DNAH5: variants seen among roughly 807,000 people sequenced by gnomAD.
DNAH5 encodes axonemal beta dynein heavy chain 5.
Under a neutral mutation model 518.2 loss-of-function variants are expected in DNAH5, and 372 were observed. The observed-to-expected ratio is 0.72, with a 90% CI of 0.66 to 0.78. The LOEUF (loss-of-function observed/expected upper bound fraction) is 0.78, where lower values mean the gene tolerates loss of function less well. DNAH5 is among the 30% of genes least tolerant of loss of function. The pLI is 0.00. For missense variants in DNAH5, 5,523 were observed against 5,687.0 expected (o/e 0.97, Z 0.93); for synonymous variants, 2,039 against 2,025.9 (o/e 1.01, Z -0.17).
Position 13,735,306 on chromosome 5 carries a change from CG to C in DNAH5, c.11585del (p.Pro3862ArgfsTer14). On this transcript the variant is annotated frameshift_variant, in exon 68 of 79. Transcript: ENST00000265104. LOFTEE classifies it high-confidence loss of function. Reference protein sequence around the residue: ...DLSLARSVKSPITSKRIANII... With the variant: ...DLSLARSVKSXITSKRIANII... ...TATTAGCAATCCTCTTGCTTGTAAT[CG>C]GGCTCTTGACAGACCTGGTGAATAG... 6.2e-7 allele frequency: 1 copy of C among 1,613,990 alleles called. No homozygotes were observed. The highest frequency in any genetic ancestry group is 8.5e-7 in the Non-Finnish European group (1 of 1,179,968).
rs1561461103 is a variant in DNAH5, at chr5:13,864,652, C to CA, written c.4356-16dup. 1 of 1,613,998 alleles carries CA rather than the reference C, an allele frequency of 6.2e-7. No individual in the cohort carries two copies. The highest frequency in any genetic ancestry group is 2.2e-5 in the East Asian group (1 of 44,880). On this transcript the variant is annotated splice_polypyrimidine_tract_variant and intron_variant, in intron 27 of 78. Transcript: ENST00000265104. ...GCTTTCGACATCTGTGAAGGGACAC[C>CA]AACATGAAAGGCCATTGAAATATGA...
At chr5:13,830,529 A>C in intron 36 of DNAH5, 68 bp downstream of exon 36, 1 of 1,581,226 alleles carries the variant, frequency 6.3e-7, no homozygotes, top group Non-Finnish European at 8.7e-7. Context: ...AATTGTTGAA[A>C]ACAAATTTTA....
chr5:13,782,917 C>T (rs1286199976), intron 52 of DNAH5, among the ~76,000 whole-genome samples: 1 of 152,180 alleles, frequency 6.6e-6, no homozygotes, highest in African/African-American at 2.4e-5. Flanking sequence ...TTAATTTCAT[C>T]AGCAAGTACT....
chr5:13,856,649 ATTAAAAAGG>A (rs1342797255), intron 30 of DNAH5, among the ~76,000 whole-genome samples: 2 of 152,232 alleles, frequency 1.3e-5, no homozygotes, highest in Non-Finnish European at 2.9e-5. Flanking sequence ...CAAACAGCAC[ATTAAAAAGG>A]TTATCCACCA....
At chr5:13,939,284 G>T (rs1471153475) in intron 1 of DNAH5, among the ~76,000 whole-genome samples, 2 of 152,144 alleles carry the variant, frequency 1.3e-5, no homozygotes, top group African/African-American at 4.8e-5. Context: ...AGACCAACGT[G>T]AGTCCACGAT....
intron 1 of DNAH5, among the ~76,000 whole-genome samples, chr5:14,003,722 G>A (rs974531358): frequency 6.6e-6 from 1 of 152,220 alleles, no homozygotes; most frequent in South Asian, 2.1e-4. Flanking sequence ...GTCCAAGGCT[G>A]GGTCATAAAA....
At chr5:13,762,526 A>G (rs1751924365) in intron 60 of DNAH5, among the ~76,000 whole-genome samples, 196 bp downstream of exon 60, 1 of 152,156 alleles carries the variant, frequency 6.6e-6, no homozygotes, top group African/African-American at 2.4e-5. Context: ...TTAGAGGCTC[A>G]TATGGTTCTG....
At position 13,883,736 on chromosome 5, in the gene DNAH5, T is replaced by C. The variant is rs560576097; in HGVS notation, c.2984-642A>G. ...CTGTAATAGAAAAGCTGGGAAATAA[T>C]TGTGATTGAATATTTAGCCTATCAG... On this transcript the variant is annotated intron_variant, in intron 19 of 78. Coordinates refer to ENST00000265104, the MANE Select transcript of DNAH5 (RefSeq NM_001369.3). 3.3e-5 allele frequency among the ~76,000 whole-genome samples: 5 copies of C among 152,288 alleles called. No individual in the cohort carries two copies. The South Asian group carries it at 8.3e-4, about 25-fold the overall frequency.
intron 45 of DNAH5, 129 bp downstream of exon 45, chr5:13,809,930 C>A: frequency 1.0e-6 from 1 of 963,820 alleles, no homozygotes; most frequent in Non-Finnish European, 1.6e-6. Context: ...TCTTCACACA[C>A]GAACGTTTTC....
chr5:13,777,535 A>G (rs544741917), intron 53 of DNAH5, among the ~76,000 whole-genome samples, 180 bp from the exon 54 acceptor site: 33 of 152,346 alleles, frequency 2.2e-4, no homozygotes, highest in Middle Eastern at 3.4e-3. Context: ...TTCATAAAAC[A>G]TTATAATTAA....
Position 13,719,077 on chromosome 5 carries a change from A to C in DNAH5, c.12304T>G (p.Cys4102Gly), listed in dbSNP as rs773231979. 1 of 1,614,116 alleles carries C rather than the reference A, an allele frequency of 6.2e-7. No homozygotes were observed. The highest frequency in any genetic ancestry group is 2.2e-5 in the East Asian group (1 of 44,852). ...TCCATGAAATCAAGTCCCAGATGGC[A>C]GTTCTGCAGAAGTGCCCATCCTCCC... The part of the protein sequence containing the change: ...ANGGWALLQN[C>G]HLGLDFMDEL... Residue 4102 changes from cysteine to glycine, a missense_variant, in exon 72 of 79, where the codon TGC becomes GGC. By Grantham distance (159) the Cys-to-Gly change is radical. Around this residue, in one of 3 missense-constraint regions of DNAH5, gnomAD observed 5,121 missense variants for 5,223.3 expected, o/e 0.98. Coordinates refer to ENST00000265104, the MANE Select transcript of DNAH5 (RefSeq NM_001369.3).
At chr5:13,952,221 T>G (rs1560998480) in intron 1 of DNAH5, among the ~76,000 whole-genome samples, 1 of 152,114 alleles carries the variant, frequency 6.6e-6, no homozygotes, top group Non-Finnish European at 1.5e-5. Context: ...CCATAAACAC[T>G]GATGGTTAGC....
chr5:13,956,895 T>C (rs1158196894), intron 1 of DNAH5, among the ~76,000 whole-genome samples: 1 of 152,222 alleles, frequency 6.6e-6, no homozygotes, highest in Non-Finnish European at 1.5e-5. Flanking sequence ...TCACAAATAT[T>C]TTCCTTACAG....
At chr5:13,699,690 G>T (rs1049692968) in intron 78 of DNAH5, among the ~76,000 whole-genome samples, 1 of 152,112 alleles carries the variant, frequency 6.6e-6, no homozygotes, top group African/African-American at 2.4e-5. Flanking sequence ...CTCCAGCCTG[G>T]GTGACAGAAC....
intron 78 of DNAH5, 101 bp downstream of exon 78, chr5:13,700,539 A>G: frequency 8.3e-7 from 1 of 1,205,610 alleles, no homozygotes; most frequent in Admixed American, 1.7e-5. Flanking sequence ...ATAAGAGAGC[A>G]AAATCTCTAC....
chr5:13,768,822 A>T, intron 58 of DNAH5, 138 bp downstream of exon 58: 1 of 1,009,000 alleles, frequency 9.9e-7, no homozygotes, highest in South Asian at 1.3e-5. Context: ...TCAAGCAGAA[A>T]ATATTACTTG....
chr5:13,849,669 G>C (rs1490810155), intron 31 of DNAH5, among the ~76,000 whole-genome samples: 1 of 151,936 alleles, frequency 6.6e-6, no homozygotes, highest in African/African-American at 2.4e-5. Context: ...TTTGTCCTTT[G>C]ACCTTAACTT....
rs754632182 is a variant in DNAH5, at chr5:13,777,235, C to T, written c.9072G>A (p.Leu3024=). 1 of 1,612,804 alleles carries T rather than the reference C, an allele frequency of 6.2e-7. No individual in the cohort carries two copies. The highest frequency in any genetic ancestry group is 1.1e-5 in the South Asian group (1 of 91,042). The part of the protein sequence containing the change: ...TDNEIKDESF[L]EYMNNVLSSG... ...ATGATAAAACATTGTTCATATATTCCAAAAATGACTCATCTTTAATCTCAT... is the reference window on the plus strand; with the variant it reads ...ATGATAAAACATTGTTCATATATTCTAAAAATGACTCATCTTTAATCTCAT... Residue 3024 remains leucine (L), a synonymous_variant, in exon 54 of 79, where the codon TTG becomes TTA. Coordinates refer to ENST00000265104, the MANE Select transcript of DNAH5 (RefSeq NM_001369.3).
At chr5:13,804,984 C>T (rs1007909943) in intron 47 of DNAH5, among the ~76,000 whole-genome samples, 2 of 152,096 alleles carry the variant, frequency 1.3e-5, no homozygotes, top group Non-Finnish European at 2.9e-5. Context: ...AATGACAAGG[C>T]CTCATTGCAT....
Sources: allele counts gnomAD v4.1 joint callset (sites outside exome capture counted in the v4.1 genomes callset), GRCh38; gene constraint gnomAD v4.1.1; regional missense constraint gnomAD v4.1.1; transcripts MANE v1.5; gene names NCBI Gene and HGNC (gene_info 2026-07-23, HGNC 2026-07-21).